The following SASH1 variants were observed in gnomAD, a reference collection of about 807,000 sequenced individuals.
The protein encoded by SASH1 is SAM and SH3 domain containing 1.
A neutral mutation model predicts 125.2 loss-of-function variants in SASH1; 44 were observed. The observed-to-expected ratio is 0.35, with a 90% CI of 0.28 to 0.45. The LOEUF is 0.45. SASH1 is among the 20% of genes least tolerant of loss of function. The pLI, the probability that SASH1 is intolerant of heterozygous loss-of-function variation, is 1.00. For missense variants in SASH1, 1,426 were observed against 1,614.5 expected (o/e 0.88, Z 2.00); for synonymous variants, 639 against 649.1 (o/e 0.98, Z 0.24).
chr6:148,413,448 C>T (rs1400617799), intron 2 of SASH1, among the ~76,000 whole-genome samples: 2 of 151,910 alleles, frequency 1.3e-5, no homozygotes, highest in Non-Finnish European at 2.9e-5. Flanking sequence ...GGGAGTGTGG[C>T]TGTTAACAGG....
intron 8 of SASH1, among the ~76,000 whole-genome samples, chr6:148,505,184 C>T (rs1439887417): frequency 6.6e-6 from 1 of 152,216 alleles, no homozygotes; most frequent in Non-Finnish European, 1.5e-5. Flanking sequence ...CAGGCTCTTC[C>T]CATGTGGCAC....
intron 1 of SASH1, among the ~76,000 whole-genome samples, chr6:148,314,059 A>G (rs771020808): frequency 2.0e-5 from 3 of 147,746 alleles, no homozygotes; most frequent in Non-Finnish European, 4.4e-5. Context: ...CGTCTCAGAC[A>G]TGGTCTAGAG....
intron 1 of SASH1, among the ~76,000 whole-genome samples, chr6:148,368,764 G>A (rs1289821511): frequency 1.6e-3 from 27 of 16,622 alleles, no homozygotes; most frequent in Middle Eastern, 0.062. Context: ...GCGCGCGCAC[G>A]CGCGCGCACA....
chr6:148,280,682 C>A (rs1184190618), intron 1 of SASH1, among the ~76,000 whole-genome samples: 2 of 152,060 alleles, frequency 1.3e-5, no homozygotes, highest in African/African-American at 4.8e-5. Flanking sequence ...GTTGCACATG[C>A]CTATAGTCCC....
At chr6:148,286,895 A>G (rs1386249661) in intron 1 of SASH1, among the ~76,000 whole-genome samples, 1 of 152,140 alleles carries the variant, frequency 6.6e-6, no homozygotes, top group African/African-American at 2.4e-5. Context: ...AGACTCAACC[A>G]TGCACTCACA....
chr6:148,310,627 T>A (rs1232227721), intron 1 of SASH1, among the ~76,000 whole-genome samples: 1 of 152,166 alleles, frequency 6.6e-6, no homozygotes, highest in African/African-American at 2.4e-5. Flanking sequence ...TTGCAAAGTA[T>A]GTATTTGATA....
chr6:148,355,206 A>AT (rs1409766428), intron 1 of SASH1, among the ~76,000 whole-genome samples: 1 of 152,216 alleles, frequency 6.6e-6, no homozygotes, highest in Non-Finnish European at 1.5e-5. Flanking sequence ...TTTAAGGCTC[A>AT]TTTTATTGTG....
the SASH1 span, among the ~76,000 whole-genome samples, chr6:148,197,790 GT>G: frequency 1.3e-5 from 2 of 152,166 alleles, no homozygotes; most frequent in Non-Finnish European, 2.9e-5. Context: ...GGATCATAGG[GT>G]GGTTTTCCTC....
chr6:148,508,604 C>A, intron 8 of SASH1: 1 of 1,138,602 alleles, frequency 8.8e-7, no homozygotes, highest in Non-Finnish European at 1.1e-6. Flanking sequence ...GCGAGTTATG[C>A]AGTTAGCAAG....
intron 2 of SASH1, among the ~76,000 whole-genome samples, chr6:148,424,380 C>T (rs1241669768): frequency 6.6e-6 from 1 of 151,960 alleles, no homozygotes; most frequent in African/African-American, 2.4e-5. Flanking sequence ...CATGTGCTAC[C>T]ATGCCTGATC....
At chr6:148,313,481 G>A (rs1274987163) in intron 1 of SASH1, among the ~76,000 whole-genome samples, 1 of 152,168 alleles carries the variant, frequency 6.6e-6, no homozygotes, top group Non-Finnish European at 1.5e-5. Flanking sequence ...AAATACTGCT[G>A]CAAAACTATT....
intron 6 of SASH1, among the ~76,000 whole-genome samples, chr6:148,473,447 T>C (rs1479482378): frequency 1.3e-5 from 2 of 151,980 alleles, no homozygotes; most frequent in Non-Finnish European, 2.9e-5. Context: ...GGAGATGGGG[T>C]TTCACCTTGT....
At chr6:148,349,064 G>A (rs1172353824) in intron 1 of SASH1, among the ~76,000 whole-genome samples, 5 of 152,020 alleles carry the variant, frequency 3.3e-5, no homozygotes, top group African/African-American at 1.2e-4. Flanking sequence ...AAAGGAAGGT[G>A]CGAGGTGGGC....
chr6:148,334,181 T>C (rs550578428), intron 1 of SASH1, among the ~76,000 whole-genome samples: 2 of 140,570 alleles, frequency 1.4e-5, no homozygotes, highest in South Asian at 4.8e-4. Flanking sequence ...TCCCAGCACT[T>C]TGGGAGGCCG....
chr6:148,320,113 A>G (rs1450455851), intron 1 of SASH1, among the ~76,000 whole-genome samples: 1 of 152,262 alleles, frequency 6.6e-6, no homozygotes, highest in Non-Finnish European at 1.5e-5. Flanking sequence ...TAAGTTATAA[A>G]TTAAACTTTA....
intron 1 of SASH1, among the ~76,000 whole-genome samples, chr6:148,319,492 T>C (rs545192888): frequency 7.4e-4 from 112 of 152,190 alleles, no homozygotes; most frequent in Middle Eastern, 6.8e-3. Flanking sequence ...TAAATAAATA[T>C]GTATAAGATT....
chr6:148,352,172 T>C lies in SASH1; in HGVS notation c.156+8949T>C, dbSNP rs145694371. On this transcript the variant is annotated intron_variant, in intron 1 of 19. Transcript: ENST00000367467. ...CTATTTTAGGTTGTTTGAGTTCAAA[T>C]TGTGGCTTTAACCCTTACCGGACAT... Among the ~76,000 whole-genome samples the C allele has an allele frequency of 1.6e-4, 24 of 152,348 alleles. No individual in the cohort carries two copies. In the East Asian group the frequency reaches 4.4e-3, roughly 28 times the overall value.
chr6:148,447,723 ATCC>A (rs1456093992), intron 4 of SASH1, among the ~76,000 whole-genome samples: 11 of 82,346 alleles, frequency 1.3e-4, no homozygotes, highest in Non-Finnish European at 2.6e-4. Context: ...CCTCCTCCTC[ATCC>A]TCCTCCTCCT....
chr6:148,506,429 C>T (rs1171653267), intron 8 of SASH1, among the ~76,000 whole-genome samples: 2 of 151,990 alleles, frequency 1.3e-5, no homozygotes, highest in Admixed American at 6.5e-5. Context: ...GAGCTGAGAC[C>T]AAGCCATTGT....
Sources: gnomAD v4.1 joint callset for allele counts (sites outside exome capture counted in the v4.1 genomes callset) on GRCh38, gnomAD v4.1.1 for gene constraint, MANE v1.5 for transcripts, NCBI Gene and HGNC (gene_info 2026-07-23, HGNC 2026-07-21) for gene names.